LOC400499: variants seen among roughly 807,000 people sequenced by gnomAD.
the LOC400499 span, among the ~76,000 whole-genome samples, chr16:11,483,282 C>T: frequency 6.6e-6 from 1 of 152,146 alleles, no homozygotes; most frequent in Non-Finnish European, 1.5e-5. Context: ...ATATACCTAC[C>T]ATATGATCTA....
the LOC400499 span, among the ~76,000 whole-genome samples, chr16:11,493,074 G>A: frequency 6.6e-6 from 1 of 152,194 alleles, no homozygotes; most frequent in Admixed American, 6.5e-5. Flanking sequence ...TGGGGAGGAG[G>A]GATGGGAGGT....
chr16:11,404,850 C>A, the LOC400499 span: 30 of 398,910 alleles, frequency 7.5e-5, no homozygotes, highest in Admixed American at 1.3e-4. Context: ...GAACAGCTCC[C>A]TGGGAAGAGC....
At chr16:11,443,584 C>G in the LOC400499 span, 2 of 315,246 alleles carry the variant, frequency 6.3e-6, no homozygotes, top group Non-Finnish European at 1.2e-5. Context: ...CCCAGAGTAT[C>G]AACTCCTCCT....
the LOC400499 span, chr16:11,425,386 G>T: frequency 5.5e-5 from 22 of 399,352 alleles, no homozygotes; most frequent in Non-Finnish European, 9.3e-5. Flanking sequence ...TGCTGGTCCC[G>T]CAGGAGGAAG....
chr16:11,516,501 G>A, the LOC400499 span, among the ~76,000 whole-genome samples: 1 of 152,098 alleles, frequency 6.6e-6, no homozygotes, highest in African/African-American at 2.4e-5. Flanking sequence ...ACTCTGCTCT[G>A]AGCCACCCCA....
the LOC400499 span, chr16:11,461,987 G>A: frequency 2.4e-6 from 2 of 847,632 alleles, no homozygotes; most frequent in Non-Finnish European, 3.3e-6. Flanking sequence ...CATGGAGCTT[G>A]GATCTGCCCT....
At chr16:11,407,828 C>A in the LOC400499 span, among the ~76,000 whole-genome samples, 1 of 152,022 alleles carries the variant, frequency 6.6e-6, no homozygotes, top group Admixed American at 6.6e-5. Context: ...CGGGTTGCTG[C>A]GAAAATTGTA....
the LOC400499 span, chr16:11,447,962 A>T: frequency 6.5e-7 from 1 of 1,536,000 alleles, no homozygotes; most frequent in Non-Finnish European, 8.7e-7. Flanking sequence ...CGTTTCCGGT[A>T]CAATGTCCTG....
At chr16:11,488,769 G>A in the LOC400499 span, 1 of 398,998 alleles carries the variant, frequency 2.5e-6, no homozygotes, top group Non-Finnish European at 4.4e-6. Flanking sequence ...TGGAACTCCT[G>A]GCTGAGGATG....
chr16:11,428,728 A>T, the LOC400499 span, among the ~76,000 whole-genome samples: 12 of 152,180 alleles, frequency 7.9e-5, no homozygotes, highest in African/African-American at 2.7e-4. Flanking sequence ...CTGGGAACGC[A>T]GCCCAGTAGG....
At chr16:11,385,023 G>C in the LOC400499 span, 1 of 1,232,148 alleles carries the variant, frequency 8.1e-7, no homozygotes, top group African/African-American at 1.6e-5. Context: ...TTGAGGTCCG[G>C]ACAACTGTCC....
the LOC400499 span, among the ~76,000 whole-genome samples, chr16:11,511,093 C>T: frequency 7.9e-5 from 12 of 151,342 alleles, no homozygotes; most frequent in African/African-American, 1.5e-4. Flanking sequence ...ACCTTCTGGG[C>T]TCAGGTGATC....
the LOC400499 span, chr16:11,473,071 G>A: frequency 6.6e-6 from 1 of 152,058 alleles, no homozygotes; most frequent in African/African-American, 2.4e-5. Flanking sequence ...AGCCGAGATT[G>A]CGCCACTGCA....
the LOC400499 span, among the ~76,000 whole-genome samples, chr16:11,484,093 C>T: frequency 1.8e-3 from 272 of 149,178 alleles, 1 homozygote; most frequent in African/African-American, 6.3e-3. Flanking sequence ...CTGCAAGCTC[C>T]GCCTCCCGAG....
chr16:11,403,830 G>A, the LOC400499 span, among the ~76,000 whole-genome samples: 1 of 152,024 alleles, frequency 6.6e-6, no homozygotes, highest in Non-Finnish European at 1.5e-5. Flanking sequence ...AGCTCCCCTG[G>A]CACCACAACT....
the LOC400499 span, among the ~76,000 whole-genome samples, chr16:11,447,766 C>G: frequency 6.6e-6 from 1 of 152,086 alleles, no homozygotes; most frequent in African/African-American, 2.4e-5. Flanking sequence ...GATGTGGGAG[C>G]TTTCAGGGGA....
the LOC400499 span, among the ~76,000 whole-genome samples, chr16:11,498,185 G>T: frequency 6.6e-6 from 1 of 152,144 alleles, no homozygotes; most frequent in Non-Finnish European, 1.5e-5. Context: ...TTCATTGAAA[G>T]ACACCATTAA....
the LOC400499 span, among the ~76,000 whole-genome samples, chr16:11,495,222 A>G: frequency 3.0e-5 from 3 of 99,422 alleles, no homozygotes; most frequent in Admixed American, 2.0e-4. Context: ...AAAAAAAAAA[A>G]AAAAAGAAAA....
chr16:11,429,081 G>T, the LOC400499 span, among the ~76,000 whole-genome samples: 1 of 152,118 alleles, frequency 6.6e-6, no homozygotes, highest in Non-Finnish European at 1.5e-5. Flanking sequence ...AAGAAGGAGG[G>T]TGATATGGTT....
Sources: allele counts gnomAD v4.1 joint callset (sites outside exome capture counted in the v4.1 genomes callset), GRCh38; gene constraint gnomAD v4.1.1; transcripts MANE v1.5.